B3GALT1: variants seen among roughly 807,000 people sequenced by gnomAD.
The protein encoded by B3GALT1 is beta-1,3-galactosyltransferase 1.
A neutral mutation model predicts 23.2 loss-of-function variants in B3GALT1; 10 were observed. The observed-to-expected ratio is 0.43, with a 90% CI of 0.27 to 0.73. The LOEUF is 0.73. B3GALT1 is among the 30% of genes least tolerant of loss of function. The pLI is 0.21. For missense variants in B3GALT1, 299 were observed against 405.4 expected, an observed-to-expected ratio of 0.74 and a Z score of 2.25; for synonymous variants, 156 against 141.5, an observed-to-expected ratio of 1.10 and a Z score of -0.73.
chr2:167,505,089 C>A (rs1699900488), intron 2 of B3GALT1, among the ~76,000 whole-genome samples: 1 of 152,134 alleles, frequency 6.6e-6, no homozygotes, highest in Non-Finnish European at 1.5e-5. Flanking sequence ...ATGCTACCAT[C>A]TGTATAATAA....
intron 1 of B3GALT1, among the ~76,000 whole-genome samples, chr2:167,316,503 A>G (rs1385356937): frequency 6.6e-6 from 1 of 152,124 alleles, no homozygotes; most frequent in Non-Finnish European, 1.5e-5. Flanking sequence ...AGCATCAGCC[A>G]TGCTGTCACA....
chr2:167,774,498 T>TTTTTTTTTTTTTG (rs1688127817), intron 3 of B3GALT1, among the ~76,000 whole-genome samples: 4 of 34,462 alleles, frequency 1.2e-4, no homozygotes, highest in Middle Eastern at 0.02. Flanking sequence ...TTTTTTTTTG[T>TTTTTTTTTTTTTG]TTTTTTTTTT....
chr2:167,486,313 C>T (rs568322867), intron 1 of B3GALT1, among the ~76,000 whole-genome samples: 1 of 147,144 alleles, frequency 6.8e-6, no homozygotes, highest in Non-Finnish European at 1.5e-5. Context: ...TAGCCGAGAT[C>T]GTGCCACTGC....
At chr2:167,340,044 A>T (rs1697122553) in intron 1 of B3GALT1, among the ~76,000 whole-genome samples, 1 of 152,218 alleles carries the variant, frequency 6.6e-6, no homozygotes, top group Admixed American at 6.5e-5. Flanking sequence ...CTAAAGCTGC[A>T]CAAGATTTGA....
At chr2:167,332,128 A>G (rs527348904) in intron 1 of B3GALT1, among the ~76,000 whole-genome samples, 2 of 152,180 alleles carry the variant, frequency 1.3e-5, no homozygotes, top group African/African-American at 2.4e-5. Flanking sequence ...GATGTTCCCT[A>G]TGTTAATCTC....
intron 1 of B3GALT1, among the ~76,000 whole-genome samples, chr2:167,312,118 AAAACT>A (rs960100361): frequency 1.2e-4 from 19 of 152,076 alleles, no homozygotes; most frequent in Non-Finnish European, 7.4e-5. Context: ...AGTTTCAAAC[AAAACT>A]AAACAAGAAT....
At chr2:167,394,615 TAAAAAGC>T (rs1354829443) in intron 1 of B3GALT1, among the ~76,000 whole-genome samples, 1 of 152,120 alleles carries the variant, frequency 6.6e-6, no homozygotes, top group Non-Finnish European at 1.5e-5. Flanking sequence ...TAATACAACT[TAAAAAGC>T]ATTATTTTCC....
chr2:167,454,084 G>A (rs1699130364), intron 1 of B3GALT1, among the ~76,000 whole-genome samples: 3 of 152,084 alleles, frequency 2.0e-5, no homozygotes, highest in Admixed American at 2.0e-4. Flanking sequence ...TGTCTAGGTT[G>A]TATTTGTATA....
At chr2:167,371,337 A>G (rs73019781) in intron 1 of B3GALT1, among the ~76,000 whole-genome samples, 1,911 of 152,280 alleles carry the variant, frequency 0.013, 35 homozygotes, top group African/African-American at 0.041. Context: ...ATTACAAAAT[A>G]GGCCCCTGTA....
intron 1 of B3GALT1, among the ~76,000 whole-genome samples, chr2:167,320,478 C>T (rs1696793328): frequency 6.6e-6 from 1 of 152,046 alleles, no homozygotes; most frequent in Admixed American, 6.5e-5. Flanking sequence ...GTGTGAGACA[C>T]TGCACTGCCC....
intron 2 of B3GALT1, among the ~76,000 whole-genome samples, chr2:167,551,096 T>C (rs1473077565): frequency 7.5e-6 from 1 of 133,440 alleles, no homozygotes; most frequent in Non-Finnish European, 1.5e-5. Flanking sequence ...ATGCCTCTGG[T>C]GTTTGTCCAT....
intron 1 of B3GALT1, among the ~76,000 whole-genome samples, chr2:167,415,199 C>T (rs1698449703): frequency 6.6e-6 from 1 of 152,158 alleles, no homozygotes; most frequent in South Asian, 2.1e-4. Context: ...CCTGAAAGTG[C>T]TGCCTTCATG....
chr2:167,547,634 C>CCA (rs983360441), intron 2 of B3GALT1, among the ~76,000 whole-genome samples: 1 of 150,044 alleles, frequency 6.7e-6, no homozygotes, highest in Non-Finnish European at 1.5e-5. Flanking sequence ...GGCAGAGGTT[C>CCA]CAGTGAGCTG....
chr2:167,866,100 C>A (rs1019064493), intron 4 of B3GALT1, among the ~76,000 whole-genome samples: 1 of 152,224 alleles, frequency 6.6e-6, no homozygotes, highest in African/African-American at 2.4e-5. Context: ...GACCCTCATC[C>A]AGATAACTTC....
intron 1 of B3GALT1, among the ~76,000 whole-genome samples, chr2:167,294,627 C>T (rs1321755180): frequency 1.3e-5 from 2 of 152,158 alleles, no homozygotes; most frequent in African/African-American, 4.8e-5. Flanking sequence ...TGAAATACCT[C>T]AATACTAAGG....
intron 1 of B3GALT1, among the ~76,000 whole-genome samples, chr2:167,329,881 T>C (rs894501366): frequency 7.9e-5 from 12 of 152,128 alleles, no homozygotes; most frequent in African/African-American, 2.9e-4. Flanking sequence ...AGGTTTCTGT[T>C]GAGAAATCTG....
intron 1 of B3GALT1, among the ~76,000 whole-genome samples, chr2:167,451,048 A>G (rs980917062): frequency 6.6e-5 from 10 of 151,280 alleles, no homozygotes; most frequent in Non-Finnish European, 4.4e-5. Context: ...TGAAGTTGTG[A>G]TTGTTTTTAT....
intron 4 of B3GALT1, among the ~76,000 whole-genome samples, chr2:167,835,929 G>C (rs948878774): frequency 6.6e-6 from 1 of 152,162 alleles, no homozygotes; most frequent in South Asian, 2.1e-4. Flanking sequence ...GTCTGGAGTG[G>C]ACCTCTAGCA....
intron 2 of B3GALT1, among the ~76,000 whole-genome samples, chr2:167,503,343 C>T (rs1298550082): frequency 1.3e-5 from 2 of 152,092 alleles, no homozygotes; most frequent in African/African-American, 4.8e-5. Context: ...GAGTGTCTGG[C>T]TACCACAAGG....
Sources: allele counts gnomAD v4.1 joint callset (sites outside exome capture counted in the v4.1 genomes callset), GRCh38; gene constraint gnomAD v4.1.1; transcripts MANE v1.5; gene names NCBI Gene and HGNC (gene_info 2026-07-23, HGNC 2026-07-21).